The following ZNF16 variants were observed in gnomAD, a reference collection of about 807,000 sequenced individuals.
ZNF16 encodes the protein zinc finger protein 16, also known as zinc finger protein KOX9.
A neutral mutation model predicts 9.0 loss-of-function variants in ZNF16; 7 were observed. The ratio of observed to expected loss-of-function variants is 0.78; its 90% CI spans 0.44 to 1.47. The LOEUF (loss-of-function observed/expected upper bound fraction) is 1.47, where lower values mean the gene tolerates loss of function less well. Among genes scored for constraint, ZNF16 ranks in the 40% most tolerant of loss-of-function variants. The pLI, the probability that ZNF16 is intolerant of heterozygous loss-of-function variation, is 0.01. For synonymous variants in ZNF16, 312 were observed against 301.5 expected, an observed-to-expected ratio of 1.03 and a Z score of -0.36; for missense variants, 830 against 854.2, an observed-to-expected ratio of 0.97 and a Z score of 0.35.
intron 1 of ZNF16, among the ~76,000 whole-genome samples, chr8:144,946,970 G>GT (rs371331122): frequency 7.7e-3 from 520 of 67,816 alleles, no homozygotes; most frequent in East Asian, 0.012. Flanking sequence ...GTGTCCTGCT[G>GT]TGGGCCTGTG....
chr8:144,937,023 T>C (rs1833697105), intron 2 of ZNF16, among the ~76,000 whole-genome samples: 1 of 152,034 alleles, frequency 6.6e-6, no homozygotes, highest in African/African-American at 2.4e-5. Flanking sequence ...GGGTTGCTTG[T>C]GTTTTGTTGT....
intron 2 of ZNF16, among the ~76,000 whole-genome samples, chr8:144,934,993 T>C (rs570858408): frequency 1.1e-4 from 16 of 152,128 alleles, no homozygotes; most frequent in South Asian, 4.2e-4. Context: ...GAGGAACGGG[T>C]TGTCTAGCCC....
intron 2 of ZNF16, among the ~76,000 whole-genome samples, chr8:144,942,397 CCTG>C (rs1416086524): frequency 6.6e-6 from 1 of 152,014 alleles, no homozygotes; most frequent in Non-Finnish European, 1.5e-5. Flanking sequence ...AAGCAATTCT[CCTG>C]CTTCAGCCTC....
intron 1 of ZNF16, chr8:144,950,542 T>C (rs1290585225): frequency 6.6e-6 from 1 of 152,010 alleles, no homozygotes; most frequent in East Asian, 1.9e-4. Flanking sequence ...CGCGGCGACC[T>C]TACCCCGGGG....
rs1034075475 is a variant in ZNF16, at chr8:144,931,577, G to C, written c.1210C>G (p.Pro404Ala). 6 of 1,614,024 alleles carry C rather than the reference G, an allele frequency of 3.7e-6. No homozygotes were observed. The highest frequency in any genetic ancestry group is 1.7e-5 in the Admixed American group (1 of 60,002). The change falls in exon 3 of 3, where the codon CCT (proline) becomes GCT (alanine). Residue 404 changes from proline to alanine, a missense_variant. Physicochemically the swap from Pro to Ala is conservative, Grantham distance 27 (BLOSUM62 -1). Coordinates refer to ENST00000394909, the MANE Select transcript of ZNF16 (RefSeq NM_006958.3). The stretch of plus-strand genomic sequence containing the variant: ...TTGCCACAATCATTACACTCATAAG[G>C]CTTCTCTCCAGTGTGGACCCTCTGG... ...KHQRVHTGEK[P>A]YECNDCGKPF...
chr8:144,949,878 A>C, intron 1 of ZNF16, among the ~76,000 whole-genome samples: 1 of 152,348 alleles, frequency 6.6e-6, no homozygotes, highest in African/African-American at 2.4e-5. Context: ...ACGCCCGTAA[A>C]GGGTCTGTGT....
At position 144,933,748 on chromosome 8, in the gene ZNF16, C is replaced by T. The variant is rs1166772057; in HGVS notation, c.197-1158G>A. 6.6e-6 allele frequency among the ~76,000 whole-genome samples: 1 copy of T among 152,236 alleles called. No homozygotes were observed. Among genetic ancestry groups the T allele is most frequent in the South Asian group, 2.1e-4 (1 of 4,836 alleles). On this transcript the variant is annotated intron_variant, in intron 2 of 2. Transcript: ENST00000394909. The surrounding 1 kb of genome is among the most constrained non-coding windows in gnomAD (Gnocchi z 5.6). Reference sequence around the variant, plus strand: ...TATACTCTGAGCAGGGCAGATGTGTCCACCTTTGGGTCTGCCTTGCCCAGA... The same window carrying T: ...TATACTCTGAGCAGGGCAGATGTGTTCACCTTTGGGTCTGCCTTGCCCAGA...
chr8:144,933,794 G>A lies in ZNF16; in HGVS notation c.197-1204C>T, dbSNP rs948853728. ...CCAGAGCACTCTCCACATGGCCCTC[G>A]TGCTACCCACTTCCCTTGCACAGGC... On this transcript the variant is annotated intron_variant, in intron 2 of 2. Transcript: ENST00000394909. The surrounding 1 kb of genome is among the most constrained non-coding windows in gnomAD (Gnocchi z 5.6). 2.0e-5 allele frequency among the ~76,000 whole-genome samples: 3 copies of A among 152,082 alleles called. No homozygotes were observed. Among genetic ancestry groups the A allele is most frequent in the African/African-American group, 7.2e-5 (3 of 41,392 alleles).
chr8:144,931,119 C>T lies in ZNF16; in HGVS notation c.1668G>A (p.Gln556=), dbSNP rs770912384. The T allele has an allele frequency of 4.3e-6, 7 of 1,614,098 alleles. No homozygotes were observed. In the African/African-American group the frequency reaches 9.3e-5, roughly 22 times the overall value. ...TCTGATGCTGAATGAGGGTTGAGCT[C>T]TGGCTGAAGGTTTTTCCACATTCAG... ...ECTECGKTFS[Q]SSTLIQHQRI... is the part of the protein sequence containing the mutation. Residue 556 remains glutamine (Q), a synonymous_variant, in exon 3 of 3, where the codon CAG becomes CAA. Coordinates refer to ENST00000394909, the MANE Select transcript of ZNF16 (RefSeq NM_006958.3).
intron 1 of ZNF16, chr8:144,950,507 T>C (rs1225287488): frequency 6.6e-6 from 1 of 152,224 alleles, no homozygotes; most frequent in East Asian, 1.9e-4. Flanking sequence ...CACCAGCCTG[T>C]GGGCGGAGTC....
intron 2 of ZNF16, among the ~76,000 whole-genome samples, chr8:144,942,662 C>T (rs2130037698): frequency 6.6e-6 from 1 of 152,290 alleles, no homozygotes; most frequent in South Asian, 2.1e-4. Flanking sequence ...ACAACTGATA[C>T]CAGTTTAGTC....
At chr8:144,940,065 T>C (rs1292520431) in intron 2 of ZNF16, among the ~76,000 whole-genome samples, 2 of 152,170 alleles carry the variant, frequency 1.3e-5, no homozygotes, top group Non-Finnish European at 2.9e-5. Flanking sequence ...TACTTTTAAA[T>C]CTGACTTATA....
chr8:144,931,594 A>T lies in ZNF16; in HGVS notation c.1193T>A (p.Val398Asp). The T allele has an allele frequency of 6.2e-7, 1 of 1,613,974 alleles. No homozygotes were observed. Among genetic ancestry groups the T allele is most frequent in the Non-Finnish European group, 8.5e-7 (1 of 1,180,006 alleles). The change falls in exon 3 of 3, where the codon GTC (valine) becomes GAC (aspartate). Residue 398 changes from valine to aspartate, a missense_variant. Physicochemically the swap from Val to Asp is radical, Grantham distance 152. Coordinates refer to ENST00000394909, the MANE Select transcript of ZNF16 (RefSeq NM_006958.3). ...CTCATAAGGCTTCTCTCCAGTGTGG[A>T]CCCTCTGGTGCTTCCTCAGGTGTGC... ...QSAHLRKHQR[V>D]HTGEKPYECN...
intron 2 of ZNF16, among the ~76,000 whole-genome samples, chr8:144,936,076 C>G (rs1000144827): frequency 7.9e-5 from 12 of 152,180 alleles, no homozygotes; most frequent in African/African-American, 2.9e-4. Flanking sequence ...AGCAGTTTAT[C>G]CCCATCTTCC....
At chr8:144,947,551 TTA>T (rs1833994844) in intron 1 of ZNF16, among the ~76,000 whole-genome samples, 1 of 152,194 alleles carries the variant, frequency 6.6e-6, no homozygotes, top group African/African-American at 2.4e-5. Context: ...CATGTCATCA[TTA>T]TGTGTCAACG....
rs200215061 is a variant in ZNF16, at chr8:144,946,110, C to G, written c.97G>C (p.Asp33His). ...WTPAAQARVR[D>H]APAVTHPGSA... ...CCAGGGTGGGTCACAGCAGGAGCAT[C>G]TCTCACACGGGCCTGGGCTGCAGGG... Residue 33 changes from aspartate (D) to histidine (H), a missense_variant, in exon 2 of 3, where the codon GAT becomes CAT. Physicochemically the swap from Asp to His is moderately conservative, Grantham distance 81. Coordinates refer to ENST00000394909, the MANE Select transcript of ZNF16 (RefSeq NM_006958.3). 88 of 1,611,328 alleles carry G rather than the reference C, an allele frequency of 5.5e-5. No individual in the cohort carries two copies. The highest frequency in any genetic ancestry group is 7.3e-5 in the Non-Finnish European group (86 of 1,178,012).
In ZNF16 at chr8:144,931,732, C is replaced by T. The variant is rs770375739; in HGVS notation, c.1055G>A (p.Ser352Asn). The T allele has an allele frequency of 1.9e-6, 3 of 1,614,096 alleles. No individual in the cohort carries two copies. The highest frequency in any genetic ancestry group is 2.5e-6 in the Non-Finnish European group (3 of 1,179,984). ...IHSGEKPYVC[S>N]ECGKAFRRSS... ...TCGCCTGAAGGCCTTCCCACACTCA[C>T]TGCACACATACGGTTTCTCCCCAGA... The change falls in exon 3 of 3, where the codon AGT becomes AAT. Residue 352 changes from serine to asparagine, a missense_variant. Coordinates refer to ENST00000394909, the MANE Select transcript of ZNF16 (RefSeq NM_006958.3).
intron 1 of ZNF16, among the ~76,000 whole-genome samples, chr8:144,950,046 T>C (rs2956169): frequency 0.12 from 18,915 of 152,148 alleles, 1,711 homozygotes; most frequent in East Asian, 0.3. Flanking sequence ...TGGTGAGAGG[T>C]GAGACATGTT....
At chr8:144,943,517 TTTC>T (rs1392316022) in intron 2 of ZNF16, among the ~76,000 whole-genome samples, 1 of 152,088 alleles carries the variant, frequency 6.6e-6, no homozygotes, top group African/African-American at 2.4e-5. Context: ...TAAGTTCACT[TTTC>T]TTTTTTCTTT....
Sources: gnomAD v4.1 joint callset for allele counts (sites outside exome capture counted in the v4.1 genomes callset) on GRCh38, gnomAD v4.1.1 for gene constraint, Gnocchi (gnomAD v3.1) non-coding constraint, MANE v1.5 for transcripts, NCBI Gene and HGNC (gene_info 2026-07-23, HGNC 2026-07-21) for gene names.